The following EYA4 variants were observed in gnomAD, a reference collection of about 807,000 sequenced individuals.
EYA4 encodes the protein protein phosphatase EYA4.
In EYA4, 31 loss-of-function variants were observed where a neutral mutation model predicts 87.9. That is an observed-to-expected ratio of 0.35 (90% CI 0.27 to 0.48). The LOEUF (loss-of-function observed/expected upper bound fraction) is 0.48, where lower values mean the gene tolerates loss of function less well. Ranked by LOEUF, EYA4 falls within the 20% of genes least tolerant of loss-of-function variation. The probability of loss-of-function intolerance (pLI) is 0.99; values close to 1 mark genes in which losing one functional copy is unlikely to be tolerated. For missense variants in EYA4, 678 were observed against 761.4 expected (o/e 0.89, Z 1.29); for synonymous variants, 263 against 270.6 (o/e 0.97, Z 0.28).
Position 133,412,581 on chromosome 6 carries a change from G to T in EYA4, c.83+30140G>T, listed in dbSNP as rs143061672. On this transcript the variant is annotated intron_variant, in intron 3 of 19. Transcript: ENST00000355286. Reference sequence around the variant, plus strand: ...TGTATTTGTAAAATTTATGCATTTTGCTATGTGAGAGCATGTGTTTGTTAT... The same window carrying T: ...TGTATTTGTAAAATTTATGCATTTTTCTATGTGAGAGCATGTGTTTGTTAT... 9.7e-4 allele frequency among the ~76,000 whole-genome samples: 147 copies of T among 152,214 alleles called. 1 individual carries two copies. In the Middle Eastern group the frequency reaches 0.01, roughly 11 times the overall value.
chr6:133,428,911 C>CTTTTTATTTTTTTTT (rs1790921758), intron 3 of EYA4, among the ~76,000 whole-genome samples: 1 of 48,230 alleles, frequency 2.1e-5, no homozygotes, highest in African/African-American at 7.6e-5. Context: ...GATTTAGCTT[C>CTTTTTATTTTTTTTT]TTTTTTTTTT....
chr6:133,342,605 A>ATATATAATATATATATATATATC (rs1485897156), intron 2 of EYA4, among the ~76,000 whole-genome samples: 7 of 130,440 alleles, frequency 5.4e-5, no homozygotes, highest in African/African-American at 2.3e-4. Flanking sequence ...ATATATATAT[A>ATATATAATATATATATATATATC]ATTCTTTATA....
chr6:133,411,323 A>G (rs1446363050), intron 3 of EYA4, among the ~76,000 whole-genome samples: 1 of 152,162 alleles, frequency 6.6e-6, no homozygotes, highest in African/African-American at 2.4e-5. Flanking sequence ...GCGGGACCCA[A>G]TTATTACTTG....
intron 3 of EYA4, among the ~76,000 whole-genome samples, chr6:133,427,667 A>AT (rs1329317548): frequency 1.3e-5 from 2 of 151,986 alleles, no homozygotes; most frequent in South Asian, 2.1e-4. Flanking sequence ...TTGGAGAACC[A>AT]TTTTTTTTAA....
chr6:133,525,197 A>G lies in EYA4; in HGVS notation c.1782A>G (p.Arg594=), dbSNP rs1309570149. ...AACGAATAATGCAAAGGTTTGGCAG[A>G]AAAGTAGTGTATGTTGTAATTGGGG... The part of the protein sequence containing the change: ...CFERIMQRFG[R]KVVYVVIGDG... Residue 594 remains arginine (R), a synonymous_variant, in exon 19 of 20, where the codon AGA becomes AGG. Transcript: ENST00000355286. The G allele has an allele frequency of 4.7e-5, 76 of 1,613,698 alleles. No homozygotes were observed. Among genetic ancestry groups the G allele is most frequent in the Non-Finnish European group, 6.4e-5 (75 of 1,179,808 alleles).
rs374399123 is a variant in EYA4, at chr6:133,516,914, T to C, written c.1616+1479T>C. On this transcript the variant is annotated intron_variant, in intron 17 of 19. Transcript: ENST00000355286. ...TACCACATTTTCTTTATCCAGTCTA[T>C]CATTGATGCACAGTTAGGTTGACTC... 1.5e-4 allele frequency among the ~76,000 whole-genome samples: 23 copies of C among 152,260 alleles called. No homozygotes were observed. In the East Asian group the frequency reaches 2.3e-3, roughly 15 times the overall value.
rs1778842997 is a variant in EYA4 at position 133,294,970 on chromosome 6, A to C, written c.33+20157A>C. 3.9e-5 allele frequency among the ~76,000 whole-genome samples: 6 copies of C among 152,272 alleles called. No individual in the cohort carries two copies. The South Asian group carries it at 1.2e-3, about 32-fold the overall frequency. On this transcript the variant is annotated intron_variant, in intron 2 of 19. Transcript: ENST00000355286. The stretch of plus-strand genomic sequence containing the variant: ...CTTATTTGAGTATCTAACATATTGT[A>C]TTTCTTTTGCTCTAGTGTAATATAG...
At chr6:133,395,228 G>A (rs1413995515) in intron 3 of EYA4, among the ~76,000 whole-genome samples, 1 of 96,592 alleles carries the variant, frequency 1.0e-5, no homozygotes, top group African/African-American at 3.4e-5. Flanking sequence ...GGATCACTTA[G>A]GGATTTTTTT....
intron 2 of EYA4, among the ~76,000 whole-genome samples, chr6:133,345,214 T>G (rs57814773): frequency 0.054 from 8,239 of 152,006 alleles, 721 homozygotes; most frequent in African/African-American, 0.18. Context: ...GAAAGAAAAA[T>G]TATTAAATAT....
intron 11 of EYA4, among the ~76,000 whole-genome samples, chr6:133,473,344 GC>G (rs1562461873): frequency 6.6e-6 from 1 of 151,984 alleles, no homozygotes; most frequent in East Asian, 1.9e-4. Flanking sequence ...TGAGCTCTTT[GC>G]CCACCTTTGG....
At chr6:133,342,719 A>T (rs1303393393) in intron 2 of EYA4, among the ~76,000 whole-genome samples, 1 of 151,520 alleles carries the variant, frequency 6.6e-6, no homozygotes, top group East Asian at 1.9e-4. Flanking sequence ...ATTAACAGGT[A>T]TTGACAAAGA....
chr6:133,249,535 T>C (rs1160355793), intron 1 of EYA4, among the ~76,000 whole-genome samples: 2 of 152,208 alleles, frequency 1.3e-5, no homozygotes, highest in Non-Finnish European at 2.9e-5. Flanking sequence ...CCCTTCATAC[T>C]GAGAACCTTG....
intron 1 of EYA4, among the ~76,000 whole-genome samples, chr6:133,249,598 C>T (rs902359955): frequency 1.3e-5 from 2 of 152,206 alleles, no homozygotes; most frequent in Admixed American, 6.5e-5. Context: ...CTCTCTTTTC[C>T]AGCTGTATGG....
At chr6:133,319,220 A>C (rs1176882499) in intron 2 of EYA4, among the ~76,000 whole-genome samples, 1 of 152,240 alleles carries the variant, frequency 6.6e-6, no homozygotes, top group Non-Finnish European at 1.5e-5. Context: ...AGCTTTGAGG[A>C]TATTCACATG....
chr6:133,353,856 G>A (rs1783816246), intron 2 of EYA4, among the ~76,000 whole-genome samples: 1 of 152,110 alleles, frequency 6.6e-6, no homozygotes, highest in Admixed American at 6.5e-5. Context: ...GTTCATTTCT[G>A]CCATTCACAG....
chr6:133,250,303 T>G, intron 1 of EYA4, among the ~76,000 whole-genome samples: 1 of 152,154 alleles, frequency 6.6e-6, no homozygotes, highest in East Asian at 1.9e-4. Flanking sequence ...TTCATAGTAC[T>G]TGAAATCTGA....
At chr6:133,363,726 T>C (rs1017595764) in intron 2 of EYA4, among the ~76,000 whole-genome samples, 17 of 152,226 alleles carry the variant, frequency 1.1e-4, no homozygotes, top group East Asian at 7.8e-4. Context: ...CCGCCCGCCT[T>C]GGCCTCCCAA....
In EYA4 at chr6:133,456,704, C is replaced by T. The variant is rs556666194; in HGVS notation, c.370+56C>T. 2.9e-6 allele frequency: 3 copies of T among 1,032,654 alleles called. No homozygotes were observed. In the South Asian group the frequency reaches 3.8e-5, roughly 13 times the overall value. 64.0% of individuals were successfully genotyped at this position (1,032,654 alleles called of 1,614,324 possible). ...ACACATGGGGGTGCATCCACATCCT[C>T]CTCCTCGGGAATAAGCAACATAAGC... On this transcript the variant is annotated intron_variant, in intron 6 of 19. Coordinates refer to ENST00000355286, the MANE Select transcript of EYA4 (RefSeq NM_004100.5).
intron 3 of EYA4, among the ~76,000 whole-genome samples, chr6:133,396,065 A>G (rs1339537772): frequency 2.0e-5 from 3 of 152,032 alleles, no homozygotes; most frequent in Non-Finnish European, 4.4e-5. Context: ...GACTTTTACC[A>G]TGGGCATTGC....
Sources: gnomAD v4.1 joint callset for allele counts (sites outside exome capture counted in the v4.1 genomes callset) on GRCh38, gnomAD v4.1.1 for gene constraint, MANE v1.5 for transcripts, NCBI Gene and HGNC (gene_info 2026-07-23, HGNC 2026-07-21) for gene names.